PPHLN1: variants seen among roughly 807,000 people sequenced by gnomAD.
The protein encoded by PPHLN1 is periphilin-1.
A neutral mutation model predicts 51.3 loss-of-function variants in PPHLN1; 29 were observed. The observed-to-expected ratio is 0.57, with a 90% CI of 0.42 to 0.77. The LOEUF is 0.77. Among genes scored for constraint, PPHLN1 ranks in the 30% least tolerant of loss-of-function variants. The pLI, the probability that PPHLN1 is intolerant of heterozygous loss-of-function variation, is 0.00. For synonymous variants in PPHLN1, 147 were observed against 147.8 expected (o/e 0.99, Z 0.04); for missense variants, 436 against 438.4 (o/e 0.99, Z 0.05).
intron 9 of PPHLN1, among the ~76,000 whole-genome samples, chr12:42,423,738 C>T (rs1248763103): frequency 6.6e-6 from 1 of 151,608 alleles, no homozygotes. Context: ...AGTGCAGTGG[C>T]ATGATCTCAA....
intron 4 of PPHLN1, among the ~76,000 whole-genome samples, chr12:42,356,496 C>T (rs2074062102): frequency 6.6e-6 from 1 of 152,146 alleles, no homozygotes; most frequent in Admixed American, 6.5e-5. Context: ...GTCACCTTAA[C>T]CTATTTAATT....
At chr12:42,442,650 G>C (rs751713734), downstream of PPHLN1, 2 of 1,614,122 alleles carry the variant, frequency 1.2e-6, no homozygotes, top group South Asian at 1.1e-5. Context: ...GAGTCTGCAG[G>C]ACAGACTTGG....
At chr12:42,424,880 T>G (rs917084687) in intron 9 of PPHLN1, among the ~76,000 whole-genome samples, 10 of 110,306 alleles carry the variant, frequency 9.1e-5, no homozygotes, top group African/African-American at 3.4e-4. Context: ...TTTACAAAAT[T>G]GTTACAGAAA....
downstream of PPHLN1, chr12:42,445,809 A>C (rs1378173844): frequency 1.3e-6 from 1 of 780,108 alleles, no homozygotes; most frequent in Non-Finnish European, 1.9e-6. Flanking sequence ...AATTTCTGAA[A>C]TTTAGATGAT....
At chr12:42,446,280 A>G, downstream of PPHLN1, 1 of 1,592,394 alleles carries the variant, frequency 6.3e-7, no homozygotes, top group Non-Finnish European at 8.6e-7. Context: ...GTACATTGCA[A>G]CTCACGCAAG....
At chr12:42,372,041 A>G (rs901167426) in intron 4 of PPHLN1, among the ~76,000 whole-genome samples, 7 of 150,658 alleles carry the variant, frequency 4.6e-5, no homozygotes, top group South Asian at 4.2e-4. Context: ...CTCTCACCCT[A>G]CTCCCCCTTC....
intron 2 of PPHLN1, among the ~76,000 whole-genome samples, chr12:42,342,214 T>C (rs1047033676): frequency 6.6e-6 from 1 of 152,012 alleles, no homozygotes; most frequent in Non-Finnish European, 1.5e-5. Context: ...CTTTATCAAG[T>C]TTTGTGACAG....
chr12:42,403,633 A>G (rs1024178245), intron 9 of PPHLN1, among the ~76,000 whole-genome samples: 2 of 152,218 alleles, frequency 1.3e-5, no homozygotes. Context: ...ATTTACATCA[A>G]ATATAAAATC....
chr12:42,348,983 C>T (rs900174283), intron 2 of PPHLN1, among the ~76,000 whole-genome samples: 2 of 152,200 alleles, frequency 1.3e-5, no homozygotes, highest in Non-Finnish European at 2.9e-5. Flanking sequence ...AACCACCTTA[C>T]ATCCCCATGG....
At chr12:42,445,980 T>C, downstream of PPHLN1, 2 of 1,505,300 alleles carry the variant, frequency 1.3e-6, no homozygotes, top group Non-Finnish European at 1.8e-6. Flanking sequence ...CAGGCCCTCT[T>C]TGGATTCCAG....
chr12:42,403,663 G>C (rs1214567503), intron 9 of PPHLN1, among the ~76,000 whole-genome samples: 1 of 152,178 alleles, frequency 6.6e-6, no homozygotes, highest in Non-Finnish European at 1.5e-5. Flanking sequence ...CAGATACCAA[G>C]TCTTATTAGA....
At chr12:42,367,976 TC>T (rs1265804937) in intron 4 of PPHLN1, among the ~76,000 whole-genome samples, 1 of 152,178 alleles carries the variant, frequency 6.6e-6, no homozygotes, top group African/African-American at 2.4e-5. Flanking sequence ...ACTCAAGTGA[TC>T]CATCCCGCCT....
chr12:42,338,404 G>A (rs1306535203), intron 2 of PPHLN1, among the ~76,000 whole-genome samples: 1 of 152,202 alleles, frequency 6.6e-6, no homozygotes, highest in African/African-American at 2.4e-5. Flanking sequence ...AGGGGATAAG[G>A]ATGTTGAAGG....
downstream of PPHLN1, chr12:42,443,645 G>T (rs1179700261): frequency 6.6e-6 from 1 of 152,166 alleles, no homozygotes; most frequent in African/African-American, 2.4e-5. Flanking sequence ...CGGCCATATA[G>T]AACCATCAAA....
intron 9 of PPHLN1, among the ~76,000 whole-genome samples, chr12:42,413,451 T>A (rs1227304678): frequency 2.0e-5 from 3 of 152,168 alleles, no homozygotes; most frequent in Non-Finnish European, 4.4e-5. Context: ...TTCTGGGTTC[T>A]CTATTCTGTT....
chr12:42,365,242 C>G (rs892248254), intron 4 of PPHLN1, among the ~76,000 whole-genome samples: 1 of 152,200 alleles, frequency 6.6e-6, no homozygotes, highest in African/African-American at 2.4e-5. Context: ...TGCTAATTAC[C>G]TGGCTGCTTT....
At chr12:42,405,840 G>A (rs2079240953) in intron 9 of PPHLN1, among the ~76,000 whole-genome samples, 1 of 151,944 alleles carries the variant, frequency 6.6e-6, no homozygotes, top group African/African-American at 2.4e-5. Context: ...TGCTATGTTT[G>A]TTATTATGTT....
chr12:42,443,332 A>G (rs2083109736), downstream of PPHLN1: 1 of 152,572 alleles, frequency 6.6e-6, no homozygotes. Flanking sequence ...AAGGCAATCA[A>G]GTATATGAAC....
intron 4 of PPHLN1, among the ~76,000 whole-genome samples, chr12:42,360,178 TAATGTCTCCAGA>T (rs1473198274): frequency 1.3e-5 from 2 of 151,746 alleles, no homozygotes; most frequent in African/African-American, 4.8e-5. Context: ...GAGATTTCAT[TAATGTCTCCAGA>T]AATGTCCCCA....
Sources: gnomAD v4.1 joint callset for allele counts (sites outside exome capture counted in the v4.1 genomes callset) on GRCh38, gnomAD v4.1.1 for gene constraint, MANE v1.5 for transcripts, NCBI Gene and HGNC (gene_info 2026-07-23, HGNC 2026-07-21) for gene names.